Variants in HOXC6 observed in about 807,000 individuals in gnomAD.
HOXC6 encodes homeobox C6.
HOXC6 carries 10 observed loss-of-function variants against 24.0 expected under a neutral mutation model. The observed-to-expected ratio is 0.42, with a 90% CI of 0.26 to 0.71. The LOEUF is 0.71. HOXC6 is among the 30% of genes least tolerant of loss of function. The probability of loss-of-function intolerance (pLI) is 0.28; values close to 1 mark genes in which losing one functional copy is unlikely to be tolerated. For synonymous variants in HOXC6, 123 were observed against 128.1 expected (o/e 0.96, Z 0.27); for missense variants, 258 against 303.4 (o/e 0.85, Z 1.11).
intron 1 of HOXC6, chr12:54,021,895 C>G (rs879698395): frequency 3.3e-5 from 5 of 152,300 alleles, no homozygotes; most frequent in East Asian, 3.8e-4. Flanking sequence ...TGTGCTATCC[C>G]CGGACTCCCT....
At chr12:54,018,765 G>A (rs1366873531) in intron 1 of HOXC6, among the ~76,000 whole-genome samples, 2 of 152,140 alleles carry the variant, frequency 1.3e-5, no homozygotes, top group South Asian at 2.1e-4. Context: ...GGAGGCGTGG[G>A]GGAACATATT....
chr12:54,019,567 T>C (rs1445268548), intron 1 of HOXC6, among the ~76,000 whole-genome samples: 2 of 152,066 alleles, frequency 1.3e-5, no homozygotes, highest in African/African-American at 4.8e-5. Flanking sequence ...TGGCCGCTGA[T>C]GGGGGGGAAC....
intron 1 of HOXC6, among the ~76,000 whole-genome samples, chr12:54,023,106 G>A (rs1940523670): frequency 6.6e-6 from 1 of 152,182 alleles, no homozygotes; most frequent in Non-Finnish European, 1.5e-5. Flanking sequence ...ATCACAGAGA[G>A]CTGTGTCCCC....
At chr12:54,026,463 AT>A (rs1035450583), upstream of HOXC6, among the ~76,000 whole-genome samples, 5 of 152,152 alleles carry the variant, frequency 3.3e-5, no homozygotes, top group Admixed American at 6.5e-5. Flanking sequence ...CTCATCTAAA[AT>A]TTTTTTTCTT....
upstream of HOXC6, among the ~76,000 whole-genome samples, chr12:54,024,267 C>G (rs1940583956): frequency 6.6e-6 from 1 of 152,168 alleles, no homozygotes; most frequent in South Asian, 2.1e-4. Flanking sequence ...CGGGCAGCTG[C>G]GGTCGCGTCC....
At chr12:54,018,002 C>T (rs924769658) in intron 1 of HOXC6, among the ~76,000 whole-genome samples, 1 of 152,194 alleles carries the variant, frequency 6.6e-6, no homozygotes, top group Non-Finnish European at 1.5e-5. Flanking sequence ...CGCAGCTAGG[C>T]GGCCGGCGGG....
upstream of HOXC6, chr12:54,028,387 G>A: frequency 1.1e-6 from 1 of 950,590 alleles, no homozygotes; most frequent in Non-Finnish European, 1.5e-6. Flanking sequence ...GATTGGCTGG[G>A]AGGGGGTCAG....
chr12:54,016,903 C>T (rs1288018895), exon 1 of HOXC6: 1 of 152,244 alleles, frequency 6.6e-6, no homozygotes, highest in African/African-American at 2.4e-5. Context: ...ACAGTCCTCC[C>T]TGTAAGAGCC....
At chr12:54,020,563 A>G (rs1306999227) in intron 1 of HOXC6, 2 of 152,222 alleles carry the variant, frequency 1.3e-5, no homozygotes, top group African/African-American at 4.8e-5. Flanking sequence ...AGGCTTAAAT[A>G]TACAGACTCA....
In HOXC6 at chr12:54,028,706, T is replaced by C; in HGVS notation, c.185T>C (p.Val62Ala). Reference protein sequence around the residue: ...TPFYSPQENVVFSSSRGPYDY... With the variant: ...TPFYSPQENVAFSSSRGPYDY... Reference sequence around the variant, plus strand: ...TTTTATTCGCCACAGGAGAATGTCGTGTTCAGTTCCAGCCGGGGGCCGTAT... The same window carrying C: ...TTTTATTCGCCACAGGAGAATGTCGCGTTCAGTTCCAGCCGGGGGCCGTAT... The change falls in exon 1 of 2, where the codon GTG becomes GCG. Residue 62 changes from valine to alanine, a missense_variant. Transcript: ENST00000243108. 6.2e-7 allele frequency: 1 copy of C among 1,614,152 alleles called. No homozygotes were observed. The highest frequency in any genetic ancestry group is 8.5e-7 in the Non-Finnish European group (1 of 1,180,026).
chr12:54,029,652 T>C lies in HOXC6; in HGVS notation c.401-3T>C, dbSNP rs764671940. On this transcript the variant is annotated splice_polypyrimidine_tract_variant and splice_region_variant and intron_variant, in intron 1 of 1. Transcript: ENST00000243108. ...TTAGTGTGTTTTGTGCCCGGATCTT[T>C]AGGGGTCGGCTACGGAGCGGACCGG... The C allele has an allele frequency of 1.9e-6, 3 of 1,610,586 alleles. No homozygotes were observed. The highest frequency in any genetic ancestry group is 4.5e-5 in the East Asian group (2 of 44,782).
upstream of HOXC6, among the ~76,000 whole-genome samples, chr12:54,026,126 G>C (rs12426399): frequency 1.2e-4 from 19 of 152,082 alleles, no homozygotes; most frequent in Admixed American, 1.0e-3. Context: ...GAAATTGGAG[G>C]GGGGGACAGA....
upstream of HOXC6, among the ~76,000 whole-genome samples, chr12:54,026,746 G>A (rs891573488): frequency 3.9e-5 from 6 of 152,146 alleles, no homozygotes; most frequent in Non-Finnish European, 7.3e-5. Flanking sequence ...TTTTGGGTTC[G>A]AAACTTTATT....
chr12:54,029,888 G>A lies in HOXC6; in HGVS notation c.634G>A (p.Gly212Arg), dbSNP rs1940915543. The change falls in exon 2 of 2, where the codon GGG becomes AGG. Residue 212 changes from glycine (G) to arginine (R), a missense_variant. Gly to Arg is a moderately radical substitution (Grantham distance 125). Transcript: ENST00000243108. ...ATCCACTCTCTCGGGGGGCGGCGGA[G>A]GGGCCACCGCCGACAGCCTGGGCGG... The part of the protein sequence containing the change: ...LTSTLSGGGG[G>R]ATADSLGGKE... 3 of 1,595,386 alleles carry A rather than the reference G, an allele frequency of 1.9e-6. No homozygotes were observed. Among genetic ancestry groups the A allele is most frequent in the Non-Finnish European group, 2.6e-6 (3 of 1,171,790 alleles).
In HOXC6 at chr12:54,030,811, T is replaced by C. The variant is rs1940958866; in HGVS notation, c.*849T>C. 1 of 152,264 alleles carries C rather than the reference T, an allele frequency of 6.6e-6. No homozygotes were observed. Among genetic ancestry groups the C allele is most frequent in the Non-Finnish European group, 1.5e-5 (1 of 68,046 alleles). 9.4% of individuals were successfully genotyped at this position (152,264 alleles called of 1,614,324 possible). A position where few individuals can be genotyped will look rare whatever the true frequency, so the allele number is the denominator to read the frequency against. Reference sequence around the variant, plus strand: ...GAATATTTAATAAAACTGATATTATTTTTAAAACTTTATACCGGGAATTCT... The same window carrying C: ...GAATATTTAATAAAACTGATATTATCTTTAAAACTTTATACCGGGAATTCT... On this transcript the variant is annotated 3_prime_UTR_variant, in exon 2 of 2. Transcript: ENST00000243108.
intron 1 of HOXC6, among the ~76,000 whole-genome samples, chr12:54,022,895 G>A (rs1940510999): frequency 6.6e-6 from 1 of 152,200 alleles, no homozygotes; most frequent in Non-Finnish European, 1.5e-5. Context: ...CCAGGAGGCT[G>A]GGGATCCTTT....
chr12:54,018,860 G>A (rs1266372492), intron 1 of HOXC6, among the ~76,000 whole-genome samples: 1 of 152,208 alleles, frequency 6.6e-6, no homozygotes, highest in African/African-American at 2.4e-5. Context: ...CTCTCCCAGA[G>A]GCGCGACTGG....
chr12:54,028,595 C>G lies in HOXC6; in HGVS notation c.74C>G (p.Ala25Gly), dbSNP rs1290792327. ...GGCCAGGACGTCCTCCCCAACGTCGCCCTCAATTCCACCGCCTATGATCCA... is the reference window on the plus strand; with the variant it reads ...GGCCAGGACGTCCTCCCCAACGTCGGCCTCAATTCCACCGCCTATGATCCA... The part of the protein sequence containing the change: ...AGGQDVLPNV[A>G]LNSTAYDPVR... The change falls in exon 1 of 2, where the codon GCC (alanine) becomes GGC (glycine). Residue 25 changes from alanine to glycine, a missense_variant. Coordinates refer to ENST00000243108, the MANE Select transcript of HOXC6 (RefSeq NM_004503.4). 3 of 1,614,054 alleles carry G rather than the reference C, an allele frequency of 1.9e-6. No homozygotes were observed. In the Admixed American group the frequency reaches 5.0e-5, roughly 27 times the overall value.
At chr12:54,024,597 G>C (rs939230094), upstream of HOXC6, among the ~76,000 whole-genome samples, 6 of 152,144 alleles carry the variant, frequency 3.9e-5, no homozygotes, top group Non-Finnish European at 8.8e-5. Flanking sequence ...ATTTCCCAGA[G>C]CTGAGTGGAA....
Sources: allele counts gnomAD v4.1 joint callset (sites outside exome capture counted in the v4.1 genomes callset), GRCh38; gene constraint gnomAD v4.1.1; transcripts MANE v1.5; gene names NCBI Gene and HGNC (gene_info 2026-07-23, HGNC 2026-07-21).